The following SLC9A9 variants were observed in gnomAD, a reference collection of about 807,000 sequenced individuals.
SLC9A9 encodes solute carrier family 9 member A9, also known as sodium/hydrogen exchanger 9.
Under a neutral mutation model 77.8 loss-of-function variants are expected in SLC9A9, and 62 were observed. That is an observed-to-expected ratio of 0.80 (90% CI 0.65 to 0.98). The LOEUF is 0.98. Among genes scored for constraint, SLC9A9 ranks in the 50% least tolerant of loss-of-function variants. SLC9A9 has a pLI of 0.00. For synonymous variants in SLC9A9, 320 were observed against 283.5 expected (o/e 1.13, Z -1.29); for missense variants, 775 against 774.9 (o/e 1.00, Z 0.00).
At chr3:143,392,791 G>A (rs1397519966) in intron 12 of SLC9A9, among the ~76,000 whole-genome samples, 2 of 152,096 alleles carry the variant, frequency 1.3e-5, no homozygotes, top group East Asian at 3.9e-4. Flanking sequence ...AAAGGCAGGG[G>A]TTGCAATCCT....
chr3:143,467,129 T>C lies in SLC9A9; in HGVS notation c.1377A>G (p.Gln459=). 7 of 1,614,154 alleles carry C rather than the reference T, an allele frequency of 4.3e-6. No individual in the cohort carries two copies. The highest frequency in any genetic ancestry group is 5.9e-6 in the Non-Finnish European group (7 of 1,180,014). The change falls in exon 12 of 16, where the codon CAA becomes CAG. Residue 459 remains glutamine, a synonymous_variant. Coordinates refer to ENST00000316549, the MANE Select transcript of SLC9A9 (RefSeq NM_173653.4). ...AIRNTESQPK[Q]MMFTTTLLLV... ...GGAGCAGCGTAGTGGTAAACATCAT[T>C]TGTTTGGGCTGAGATTCTGTGTTCC...
At chr3:143,390,585 G>A (rs560125027) in intron 12 of SLC9A9, among the ~76,000 whole-genome samples, 4 of 152,304 alleles carry the variant, frequency 2.6e-5, no homozygotes, top group East Asian at 1.9e-4. Flanking sequence ...TCTCACTGGG[G>A]CTTGTCGGAC....
At chr3:143,771,788 G>A (rs1396888020) in intron 4 of SLC9A9, among the ~76,000 whole-genome samples, 1 of 152,154 alleles carries the variant, frequency 6.6e-6, no homozygotes, top group African/African-American at 2.4e-5. Flanking sequence ...TTCTCCTCTT[G>A]TCATTACCTG....
At chr3:143,578,454 TG>T in intron 7 of SLC9A9, 130 bp downstream of exon 7, 1 of 1,369,800 alleles carries the variant, frequency 7.3e-7, no homozygotes, top group Non-Finnish European at 1.0e-6. Context: ...ATGGCACCAG[TG>T]GTGCCGTATG....
intron 11 of SLC9A9, among the ~76,000 whole-genome samples, chr3:143,477,780 A>G (rs562341059): frequency 6.6e-6 from 1 of 152,286 alleles, no homozygotes; most frequent in South Asian, 2.1e-4. Flanking sequence ...CAGCTGAGGA[A>G]GCAGGTGCTG....
chr3:143,339,315 T>C (rs996919547), intron 14 of SLC9A9, among the ~76,000 whole-genome samples: 1 of 152,152 alleles, frequency 6.6e-6, no homozygotes, highest in African/African-American at 2.4e-5. Context: ...TAGTATGTAA[T>C]GTCTGTCATC....
At chr3:143,804,522 C>T (rs2008657261) in intron 2 of SLC9A9, among the ~76,000 whole-genome samples, 1 of 152,130 alleles carries the variant, frequency 6.6e-6, no homozygotes. Context: ...CCCCTTTCAG[C>T]ACTCCTTCTC....
chr3:143,717,742 T>A lies in SLC9A9; in HGVS notation c.534-24435A>T, dbSNP rs951606419. Reference sequence around the variant, plus strand: ...TAGTTTGAACCAAGATGCACCCCATTTGTTGGAAGGTGTTTTTTCTTCCAG... The same window carrying A: ...TAGTTTGAACCAAGATGCACCCCATATGTTGGAAGGTGTTTTTTCTTCCAG... On this transcript the variant is annotated intron_variant, in intron 4 of 15. Transcript: ENST00000316549. Among the ~76,000 whole-genome samples the A allele has an allele frequency of 6.6e-5, 10 of 152,160 alleles. No individual in the cohort carries two copies. The East Asian group carries it at 1.9e-3, about 29-fold the overall frequency.
At chr3:143,524,188 A>AG (rs894174942) in intron 9 of SLC9A9, among the ~76,000 whole-genome samples, 63 of 151,752 alleles carry the variant, frequency 4.2e-4, no homozygotes, top group African/African-American at 1.5e-3. Flanking sequence ...TAGAAAAAAA[A>AG]AAAACTAAGA....
chr3:143,621,713 C>T (rs772456904), intron 6 of SLC9A9, among the ~76,000 whole-genome samples: 1 of 152,156 alleles, frequency 6.6e-6, no homozygotes, highest in Non-Finnish European at 1.5e-5. Flanking sequence ...AGTGCCTCTC[C>T]TCCTCCAAAG....
At chr3:143,681,429 GA>G (rs1162462628) in intron 5 of SLC9A9, among the ~76,000 whole-genome samples, 1 of 152,080 alleles carries the variant, frequency 6.6e-6, no homozygotes, top group African/African-American at 2.4e-5. Flanking sequence ...TGGGTTCCAT[GA>G]TATTGTACCA....
At chr3:143,545,958 A>C (rs1345245010) in intron 9 of SLC9A9, among the ~76,000 whole-genome samples, 2 of 152,248 alleles carry the variant, frequency 1.3e-5, no homozygotes, top group East Asian at 3.8e-4. Context: ...CAAGTAAAAG[A>C]ATATTAGATC....
At chr3:143,528,161 T>C (rs2036438069) in intron 9 of SLC9A9, among the ~76,000 whole-genome samples, 1 of 152,216 alleles carries the variant, frequency 6.6e-6, no homozygotes, top group Admixed American at 6.5e-5. Flanking sequence ...TTAGACTTAT[T>C]TTGGGCTCAG....
intron 5 of SLC9A9, among the ~76,000 whole-genome samples, chr3:143,670,964 T>C (rs1176979160): frequency 6.6e-6 from 1 of 152,238 alleles, no homozygotes; most frequent in Non-Finnish European, 1.5e-5. Context: ...ATCACTGTTC[T>C]ATTTTGAGAA....
intron 12 of SLC9A9, among the ~76,000 whole-genome samples, chr3:143,466,031 A>T (rs2035275090): frequency 6.6e-6 from 1 of 152,210 alleles, no homozygotes; most frequent in African/African-American, 2.4e-5. Context: ...AAGTGTTTAC[A>T]TTTGTGGTTG....
In SLC9A9 at chr3:143,652,284, C is replaced by G; in HGVS notation, c.726G>C (p.Leu242Phe). 1 of 1,613,288 alleles carries G rather than the reference C, an allele frequency of 6.2e-7. No homozygotes were observed. Among genetic ancestry groups the G allele is most frequent in the African/African-American group, 1.3e-5 (1 of 75,044 alleles). Reference protein sequence around the residue: ...LYTLLFGESVLNDAVAIVLTY... With the variant: ...LYTLLFGESVFNDAVAIVLTY... The stretch of plus-strand genomic sequence containing the variant: ...TAAGGACTATGGCCACTGCATCATT[C>G]AACACACTCTCTCCAAACAAGAGTG... Residue 242 changes from leucine to phenylalanine, a missense_variant, in exon 6 of 16, where the codon TTG becomes TTC. By Grantham distance (22) the Leu-to-Phe change is conservative. Coordinates refer to ENST00000316549, the MANE Select transcript of SLC9A9 (RefSeq NM_173653.4).
At chr3:143,511,592 C>T (rs1227425477) in intron 9 of SLC9A9, among the ~76,000 whole-genome samples, 5 of 152,176 alleles carry the variant, frequency 3.3e-5, no homozygotes, top group African/African-American at 9.6e-5. Context: ...TAAGCCAAGG[C>T]TCAGTGGCCC....
chr3:143,705,003 CTA>C (rs1933922066), intron 4 of SLC9A9, among the ~76,000 whole-genome samples: 1 of 37,620 alleles, frequency 2.7e-5, no homozygotes, highest in Non-Finnish European at 6.6e-5. Flanking sequence ...AAATATCTAT[CTA>C]TCTATCTATC....
At chr3:143,391,237 C>A (rs973377103) in intron 12 of SLC9A9, among the ~76,000 whole-genome samples, 2 of 152,176 alleles carry the variant, frequency 1.3e-5, no homozygotes, top group African/African-American at 4.8e-5. Flanking sequence ...TGGCTGGGTA[C>A]CCCTCTGAGA....
Sources: gnomAD v4.1 joint callset for allele counts (sites outside exome capture counted in the v4.1 genomes callset) on GRCh38, gnomAD v4.1.1 for gene constraint, MANE v1.5 for transcripts, NCBI Gene and HGNC (gene_info 2026-07-23, HGNC 2026-07-21) for gene names.